Variants in DOK6 observed in about 807,000 individuals in gnomAD.
DOK6 encodes the protein docking protein 6, also known as downstream of tyrosine kinase 6.
Under a neutral mutation model 44.0 loss-of-function variants are expected in DOK6, and 22 were observed. The observed-to-expected ratio is 0.50, with a 90% CI of 0.36 to 0.71. DOK6 has a LOEUF of 0.71. Ranked by LOEUF, DOK6 falls within the 30% of genes least tolerant of loss-of-function variation. The pLI, the probability that DOK6 is intolerant of heterozygous loss-of-function variation, is 0.00. For synonymous variants in DOK6, 166 were observed against 145.5 expected (o/e 1.14, Z -1.01); for missense variants, 340 against 416.4 (o/e 0.82, Z 1.60).
chr18:69,676,833 A>C (rs1402182553), intron 3 of DOK6, among the ~76,000 whole-genome samples: 1 of 152,212 alleles, frequency 6.6e-6, no homozygotes, highest in African/African-American at 2.4e-5. Context: ...CAGGGCTTAC[A>C]CCAAAGTCAA....
chr18:69,800,554 G>A lies in DOK6; in HGVS notation c.857-40690G>A, dbSNP rs554322116. Reference sequence around the variant, plus strand: ...TTTGTCAGAACTGGTTATTTGGGGGGAAAAGGGTTCATGTGAATATTTTGT... The same window carrying A: ...TTTGTCAGAACTGGTTATTTGGGGGAAAAAGGGTTCATGTGAATATTTTGT... On this transcript the variant is annotated intron_variant, in intron 7 of 7. Coordinates refer to ENST00000382713, the MANE Select transcript of DOK6 (RefSeq NM_152721.6). Among the ~76,000 whole-genome samples the A allele has an allele frequency of 1.7e-3, 265 of 152,236 alleles. 1 individual carries two copies. Among genetic ancestry groups the A allele is most frequent in the African/African-American group, 6.2e-3 (256 of 41,550 alleles).
chr18:69,616,195 G>T (rs1296080703), intron 3 of DOK6, among the ~76,000 whole-genome samples: 1 of 152,144 alleles, frequency 6.6e-6, no homozygotes, highest in African/African-American at 2.4e-5. Flanking sequence ...CTTCAGTGGA[G>T]TGTTACTATC....
intron 2 of DOK6, among the ~76,000 whole-genome samples, chr18:69,573,655 A>G (rs550759081): frequency 6.6e-6 from 1 of 151,950 alleles, no homozygotes; most frequent in African/African-American, 2.4e-5. Flanking sequence ...TTAAGAGTGT[A>G]TGCAAGGCCC....
chr18:69,612,468 T>TGCGA (rs1351653077), intron 3 of DOK6, among the ~76,000 whole-genome samples: 1 of 149,848 alleles, frequency 6.7e-6, no homozygotes, highest in East Asian at 2.0e-4. Flanking sequence ...CGTGCATATG[T>TGCGA]ATTTCTTGCT....
intron 4 of DOK6, among the ~76,000 whole-genome samples, chr18:69,684,016 T>A (rs1427204247): frequency 6.6e-6 from 1 of 152,174 alleles, no homozygotes; most frequent in Non-Finnish European, 1.5e-5. Context: ...CAGGGAAAGC[T>A]GAAAGGCAAT....
At chr18:69,840,573 A>G (rs1477284816) in intron 7 of DOK6, among the ~76,000 whole-genome samples, 2 of 152,228 alleles carry the variant, frequency 1.3e-5, no homozygotes, top group Non-Finnish European at 2.9e-5. Context: ...TGAACAACCA[A>G]AAGCATAGAC....
At chr18:69,406,595 A>G (rs1194023959) in intron 1 of DOK6, among the ~76,000 whole-genome samples, 1 of 152,214 alleles carries the variant, frequency 6.6e-6, no homozygotes, top group Non-Finnish European at 1.5e-5. Context: ...TCCTTTTCTT[A>G]GAAAACAAAG....
chr18:69,761,319 C>T (rs1979545468), intron 7 of DOK6, among the ~76,000 whole-genome samples: 1 of 152,000 alleles, frequency 6.6e-6, no homozygotes, highest in South Asian at 2.1e-4. Context: ...GCTGCCTTTC[C>T]CTGGGGCCGG....
intron 1 of DOK6, among the ~76,000 whole-genome samples, chr18:69,408,439 CAAA>C (rs35285941): frequency 2.9e-5 from 4 of 138,802 alleles, no homozygotes; most frequent in Non-Finnish European, 3.2e-5. Context: ...CCTCTCCTTT[CAAA>C]AAAAAAAAAA....
chr18:69,554,941 G>T (rs556719298), intron 1 of DOK6, among the ~76,000 whole-genome samples: 3 of 151,940 alleles, frequency 2.0e-5, no homozygotes, highest in East Asian at 1.9e-4. Context: ...TTTTATAAGC[G>T]CCTGCTCAAG....
chr18:69,564,461 A>T (rs1406518319), intron 1 of DOK6, 26 bp from the exon 2 acceptor site: 1 of 1,600,282 alleles, frequency 6.2e-7, no homozygotes, highest in Non-Finnish European at 8.6e-7. Context: ...AAATATGGAT[A>T]ATGGGATTCC....
At chr18:69,538,408 G>T (rs1303125271) in intron 1 of DOK6, among the ~76,000 whole-genome samples, 1 of 151,722 alleles carries the variant, frequency 6.6e-6, no homozygotes, top group Non-Finnish European at 1.5e-5. Context: ...TCTGAGACAG[G>T]GTCTTGCTCT....
chr18:69,730,796 T>C (rs1978374435), intron 5 of DOK6, among the ~76,000 whole-genome samples: 1 of 152,126 alleles, frequency 6.6e-6, no homozygotes, highest in Non-Finnish European at 1.5e-5. Context: ...TAATTTCTGT[T>C]TCAAAATGAA....
intron 7 of DOK6, among the ~76,000 whole-genome samples, chr18:69,771,452 T>C: frequency 6.6e-6 from 1 of 152,092 alleles, no homozygotes; most frequent in East Asian, 1.9e-4. Context: ...TGCTTTTTAC[T>C]ATTATAAACA....
At chr18:69,477,244 G>A (rs907081205) in intron 1 of DOK6, among the ~76,000 whole-genome samples, 1 of 152,166 alleles carries the variant, frequency 6.6e-6, no homozygotes, top group Non-Finnish European at 1.5e-5. Flanking sequence ...CACAAGTGTG[G>A]AAGCAGGTTT....
intron 5 of DOK6, among the ~76,000 whole-genome samples, chr18:69,700,550 CCT>C (rs1986497000): frequency 1.3e-5 from 2 of 151,638 alleles, no homozygotes; most frequent in African/African-American, 2.4e-5. Context: ...TATTTTTTTC[CCT>C]CTGTTTATTT....
chr18:69,503,893 G>A (rs969795982), intron 1 of DOK6, among the ~76,000 whole-genome samples: 3 of 151,910 alleles, frequency 2.0e-5, no homozygotes, highest in African/African-American at 2.4e-5. Flanking sequence ...TGTTATATTC[G>A]TAGGTCTCAA....
intron 3 of DOK6, among the ~76,000 whole-genome samples, chr18:69,672,409 A>T (rs1985819207): frequency 5.9e-5 from 9 of 152,202 alleles, no homozygotes; most frequent in Admixed American, 5.9e-4. Context: ...CCCAGGCTGG[A>T]GTGCAATGGC....
At chr18:69,636,420 C>T (rs1167424520) in intron 3 of DOK6, among the ~76,000 whole-genome samples, 1 of 152,156 alleles carries the variant, frequency 6.6e-6, no homozygotes, top group Non-Finnish European at 1.5e-5. Context: ...ATGTATATGG[C>T]CTCATAGAGG....
Sources: gnomAD v4.1 joint callset for allele counts (sites outside exome capture counted in the v4.1 genomes callset) on GRCh38, gnomAD v4.1.1 for gene constraint, MANE v1.5 for transcripts, NCBI Gene and HGNC (gene_info 2026-07-23, HGNC 2026-07-21) for gene names.